Variants in ANO4 observed in about 807,000 individuals in gnomAD.
ANO4 encodes the protein anoctamin 4.
Under a neutral mutation model 141.9 loss-of-function variants are expected in ANO4, and 69 were observed. The observed-to-expected ratio is 0.49, with a 90% CI of 0.40 to 0.59. ANO4 has a LOEUF of 0.59. Among genes scored for constraint, ANO4 ranks in the 20% least tolerant of loss-of-function variants. The probability of loss-of-function intolerance (pLI) is 0.00; values close to 1 mark genes in which losing one functional copy is unlikely to be tolerated. For missense variants in ANO4, 894 were observed against 1,162.2 expected (o/e 0.77, Z 3.36); for synonymous variants, 350 against 394.3 (o/e 0.89, Z 1.33).
chr12:100,909,690 A>G (rs1482223835), intron 2 of ANO4, among the ~76,000 whole-genome samples: 1 of 152,204 alleles, frequency 6.6e-6, no homozygotes, highest in Non-Finnish European at 1.5e-5. Flanking sequence ...AAGAGGCATG[A>G]CCATTCAGAT....
At chr12:100,862,285 AC>A (rs1314681794) in intron 1 of ANO4, among the ~76,000 whole-genome samples, 1 of 152,148 alleles carries the variant, frequency 6.6e-6, no homozygotes, top group African/African-American at 2.4e-5. Flanking sequence ...AAAGTGTAGT[AC>A]AGTAAATACA....
intron 8 of ANO4, among the ~76,000 whole-genome samples, chr12:101,003,352 A>G (rs1421517145): frequency 1.3e-5 from 2 of 152,190 alleles, no homozygotes; most frequent in African/African-American, 4.8e-5. Context: ...ACAACCACAC[A>G]TTGACTTTTG....
chr12:100,832,271 C>A (rs1049850749), intron 1 of ANO4, among the ~76,000 whole-genome samples: 4 of 152,052 alleles, frequency 2.6e-5, no homozygotes, highest in Non-Finnish European at 5.9e-5. Context: ...ACCTGAGAGG[C>A]CCTTTAAGGT....
At chr12:100,964,710 C>T (rs2043574744) in intron 5 of ANO4, among the ~76,000 whole-genome samples, 1 of 152,178 alleles carries the variant, frequency 6.6e-6, no homozygotes, top group South Asian at 2.1e-4. Flanking sequence ...TTCTACTCTT[C>T]TCACTGACTG....
chr12:100,998,145 C>T (rs1381247836), intron 8 of ANO4, among the ~76,000 whole-genome samples: 1 of 152,062 alleles, frequency 6.6e-6, no homozygotes, highest in African/African-American at 2.4e-5. Flanking sequence ...GGGTGGGCAC[C>T]ACCAAATCAG....
chr12:101,040,778 G>A (rs1197567648), intron 11 of ANO4, among the ~76,000 whole-genome samples: 1 of 146,006 alleles, frequency 6.8e-6, no homozygotes, highest in Non-Finnish European at 1.5e-5. Context: ...CATAGGCCCT[G>A]GTGTGTGATG....
At chr12:100,922,916 A>G (rs2136107229) in intron 3 of ANO4, among the ~76,000 whole-genome samples, 1 of 152,236 alleles carries the variant, frequency 6.6e-6, no homozygotes, top group South Asian at 2.1e-4. Flanking sequence ...CATTTACTCA[A>G]GTTAAATATT....
At position 100,987,521 on chromosome 12, in the gene ANO4, G is replaced by T. The variant is rs752548124; in HGVS notation, c.603-18G>T. The T allele has an allele frequency of 1.2e-6, 2 of 1,611,572 alleles. No homozygotes were observed. The highest frequency in any genetic ancestry group is 1.7e-6 in the Non-Finnish European group (2 of 1,178,676). On this transcript the variant is annotated intron_variant, in intron 7 of 27. Transcript: ENST00000392977. ...CTGACATGCTGTACCCTTTGGTCTTGCCTTCCATGTACCACAGGATCGATA... is the reference window on the plus strand; with the variant it reads ...CTGACATGCTGTACCCTTTGGTCTTTCCTTCCATGTACCACAGGATCGATA...
intron 3 of ANO4, among the ~76,000 whole-genome samples, chr12:100,753,041 TCTC>T (rs972693112): frequency 3.9e-5 from 6 of 152,040 alleles, no homozygotes; most frequent in Admixed American, 3.9e-4. Flanking sequence ...TCCATAAGTC[TCTC>T]CTCTTCCAGT....
At chr12:100,878,242 T>G (rs76753906) in intron 1 of ANO4, among the ~76,000 whole-genome samples, 1,876 of 152,304 alleles carry the variant, frequency 0.012, 26 homozygotes, top group African/African-American at 0.042. Context: ...ACCTATGGTA[T>G]GCCAAGCAGT....
chr12:100,821,347 TAGAC>T (rs754325201), intron 1 of ANO4, among the ~76,000 whole-genome samples: 1 of 152,080 alleles, frequency 6.6e-6, no homozygotes, highest in South Asian at 2.1e-4. Context: ...TGCTATTTGT[TAGAC>T]AGAAGTTTTT....
chr12:100,874,260 C>T (rs1379501319), intron 1 of ANO4, among the ~76,000 whole-genome samples: 1 of 152,212 alleles, frequency 6.6e-6, no homozygotes, highest in Non-Finnish European at 1.5e-5. Context: ...CACTGGGGCA[C>T]TGCCTTGTGG....
rs554691671 is a variant in ANO4 at position 101,041,692 on chromosome 12, A to G, written c.1020-642A>G. Reference sequence around the variant, plus strand: ...GCCCTGCATACTTGAAACATCGAGAAAAGAAAATACAAGGCCATGCATAAT... The same window carrying G: ...GCCCTGCATACTTGAAACATCGAGAGAAGAAAATACAAGGCCATGCATAAT... On this transcript the variant is annotated intron_variant, in intron 11 of 27. Coordinates refer to ENST00000392977, the MANE Select transcript of ANO4 (RefSeq NM_001286615.2). 7.2e-5 allele frequency among the ~76,000 whole-genome samples: 11 copies of G among 152,338 alleles called. 1 individual carries two copies. The highest frequency in any genetic ancestry group is 7.2e-4 in the Admixed American group (11 of 15,300).
chr12:100,825,500 C>T (rs1330317591), intron 1 of ANO4, among the ~76,000 whole-genome samples: 1 of 152,010 alleles, frequency 6.6e-6, no homozygotes, highest in Non-Finnish European at 1.5e-5. Flanking sequence ...CACACTGCCT[C>T]ATGTCATATA....
At chr12:100,888,733 C>T (rs1038762861) in intron 1 of ANO4, among the ~76,000 whole-genome samples, 10 of 152,320 alleles carry the variant, frequency 6.6e-5, no homozygotes, top group African/African-American at 2.4e-4. Context: ...AAAACGTCAC[C>T]AGCACAGGGA....
chr12:100,966,939 G>C (rs1335287421), intron 5 of ANO4, among the ~76,000 whole-genome samples: 3 of 151,590 alleles, frequency 2.0e-5, no homozygotes, highest in Admixed American at 2.0e-4. Context: ...TCCTTTGAGA[G>C]ATGGACTGCT....
At chr12:101,093,231 G>A (rs891326997) in intron 17 of ANO4, among the ~76,000 whole-genome samples, 12 of 152,234 alleles carry the variant, frequency 7.9e-5, no homozygotes, top group African/African-American at 2.6e-4. Context: ...TACAGATTAT[G>A]TTGTTTATTT....
chr12:100,805,252 G>A lies in ANO4; in HGVS notation c.-141+10225G>A, dbSNP rs561282945. On this transcript the variant is annotated intron_variant, in intron 1 of 27. Coordinates refer to ENST00000392977, the MANE Select transcript of ANO4 (RefSeq NM_001286615.2). ...TTTGTCAGGTTTTTTCAAAGATCAG[G>A]TGGTTGTAGGGGTGTGGTCTTATTT... 2.6e-5 allele frequency among the ~76,000 whole-genome samples: 4 copies of A among 152,158 alleles called. No homozygotes were observed. In the South Asian group the frequency reaches 8.3e-4, roughly 32 times the overall value.
At chr12:100,796,088 C>T (rs897486474) in intron 1 of ANO4, among the ~76,000 whole-genome samples, 1 of 148,052 alleles carries the variant, frequency 6.8e-6, no homozygotes, top group Non-Finnish European at 1.5e-5. Flanking sequence ...TTGGTCAAAG[C>T]ATCATTCCAA....
Sources: gnomAD v4.1 joint callset for allele counts (sites outside exome capture counted in the v4.1 genomes callset) on GRCh38, gnomAD v4.1.1 for gene constraint, MANE v1.5 for transcripts, NCBI Gene and HGNC (gene_info 2026-07-23, HGNC 2026-07-21) for gene names.